Variants in MBNL2 observed in about 807,000 individuals in gnomAD.
MBNL2 encodes the protein muscleblind-like protein 2.
A neutral mutation model predicts 41.9 loss-of-function variants in MBNL2; 17 were observed. The observed-to-expected ratio is 0.41, with a 90% CI of 0.28 to 0.61. The LOEUF (loss-of-function observed/expected upper bound fraction) is 0.61, where lower values mean the gene tolerates loss of function less well. Among genes scored for constraint, MBNL2 ranks in the 20% least tolerant of loss-of-function variants. MBNL2 has a pLI of 0.35. For missense variants in MBNL2, 336 were observed against 505.6 expected (o/e 0.66, Z 3.22); for synonymous variants, 195 against 182.9 (o/e 1.07, Z -0.53).
chr13:97,329,621 A>ATACACATACAG (rs1252872774), intron 2 of MBNL2, among the ~76,000 whole-genome samples: 1 of 146,250 alleles, frequency 6.8e-6, no homozygotes, highest in Non-Finnish European at 1.5e-5. Flanking sequence ...CAACACACAC[A>ATACACATACAG]CACACTAGAC....
At chr13:97,356,772 G>A (rs1399296115) in intron 5 of MBNL2, 24 bp from the exon 6 acceptor site, 1 of 1,357,708 alleles carries the variant, frequency 7.4e-7, no homozygotes, top group South Asian at 1.1e-5. Context: ...CTGCCATCAT[G>A]TGCTCGCTGC....
chr13:97,372,542 A>G (rs748490025), intron 8 of MBNL2, among the ~76,000 whole-genome samples: 4 of 152,222 alleles, frequency 2.6e-5, no homozygotes, highest in Non-Finnish European at 5.9e-5. Flanking sequence ...ATAATATGTC[A>G]TATACATACA....
intron 4 of MBNL2, among the ~76,000 whole-genome samples, chr13:97,345,842 G>C (rs1242724648): frequency 6.8e-6 from 1 of 147,900 alleles, no homozygotes; most frequent in Non-Finnish European, 1.5e-5. Flanking sequence ...TGACCTGGTA[G>C]CTTGATATAG....
At chr13:97,173,480 T>C in the MBNL2 span, among the ~76,000 whole-genome samples, 1 of 152,196 alleles carries the variant, frequency 6.6e-6, no homozygotes, top group African/African-American at 2.4e-5. Flanking sequence ...TTGGCTCCAA[T>C]GACTGCCTTT....
the MBNL2 span, among the ~76,000 whole-genome samples, chr13:97,168,268 G>A: frequency 6.0e-4 from 91 of 152,162 alleles, no homozygotes; most frequent in African/African-American, 1.5e-3. Context: ...CCGGCCTTGC[G>A]TATGTTTTAA....
At chr13:97,289,613 T>C (rs2055403642) in intron 2 of MBNL2, among the ~76,000 whole-genome samples, 1 of 152,222 alleles carries the variant, frequency 6.6e-6, no homozygotes. Flanking sequence ...GAACTTTAAA[T>C]CTCTTTATTC....
chr13:97,316,949 A>G (rs1486825278), intron 2 of MBNL2, among the ~76,000 whole-genome samples: 1 of 152,218 alleles, frequency 6.6e-6, no homozygotes, highest in Non-Finnish European at 1.5e-5. Context: ...GGCCCAAGGT[A>G]GACTTGCAAC....
chr13:97,162,579 C>T, the MBNL2 span, among the ~76,000 whole-genome samples: 1 of 152,180 alleles, frequency 6.6e-6, no homozygotes, highest in African/African-American at 2.4e-5. Context: ...ATACGAAGAG[C>T]AGGTTCTAAA....
intron 2 of MBNL2, among the ~76,000 whole-genome samples, chr13:97,310,805 A>C (rs1417447504): frequency 7.0e-6 from 1 of 142,996 alleles, no homozygotes; most frequent in Non-Finnish European, 1.5e-5. Flanking sequence ...TTTTTTTTAA[A>C]GAACAACTAA....
intron 2 of MBNL2, among the ~76,000 whole-genome samples, chr13:97,278,576 T>C (rs1217102708): frequency 1.3e-5 from 2 of 152,222 alleles, no homozygotes; most frequent in Middle Eastern, 3.2e-3. Context: ...TCACTTTGGA[T>C]TCAAGTAATC....
intron 2 of MBNL2, among the ~76,000 whole-genome samples, chr13:97,305,500 A>G (rs2058041044): frequency 6.6e-6 from 1 of 152,202 alleles, no homozygotes; most frequent in Admixed American, 6.5e-5. Flanking sequence ...ATGGTGATTC[A>G]TGCTGGTAAT....
chr13:97,287,939 GTT>G (rs139487015), intron 2 of MBNL2, among the ~76,000 whole-genome samples: 1 of 114,058 alleles, frequency 8.8e-6, no homozygotes. Context: ...GTTTTGTTTT[GTT>G]TTTTTTTTTT....
chr13:97,295,953 A>G (rs2152989381), intron 2 of MBNL2, among the ~76,000 whole-genome samples: 1 of 152,222 alleles, frequency 6.6e-6, no homozygotes, highest in East Asian at 1.9e-4. Context: ...TGGATAGTTT[A>G]AAAGTATGAT....
chr13:97,388,672 G>A (rs966850703), intron 8 of MBNL2, among the ~76,000 whole-genome samples: 3 of 152,092 alleles, frequency 2.0e-5, no homozygotes, highest in African/African-American at 7.2e-5. Flanking sequence ...TCAGATGGGT[G>A]CTAGTGATAT....
chr13:97,357,985 A>C (rs1056507111), intron 7 of MBNL2, among the ~76,000 whole-genome samples: 2 of 152,174 alleles, frequency 1.3e-5, no homozygotes, highest in Non-Finnish European at 2.9e-5. Flanking sequence ...TGAATGACCT[A>C]AAAATAGCAA....
intron 8 of MBNL2, among the ~76,000 whole-genome samples, chr13:97,373,911 T>C (rs1312152541): frequency 2.0e-5 from 3 of 151,856 alleles, no homozygotes; most frequent in African/African-American, 4.8e-5. Context: ...GGTGAGAAAC[T>C]TGGGTAGAAT....
chr13:97,334,231 G>A lies in MBNL2; in HGVS notation c.175-45G>A, dbSNP rs111635701. 1.4e-3 allele frequency: 2,068 copies of A among 1,516,534 alleles called. 25 individuals are homozygous for A. The African/African-American group carries it at 0.026, about 19-fold the overall frequency. The allele number at this position is 1,516,534 out of a possible 1,614,324, so 93.9% of individuals were successfully genotyped here. A position where few individuals can be genotyped will look rare whatever the true frequency, so the allele number is the denominator to read the frequency against. ...TTGTTCAGTGGTTGACTTTGGAGTTGCAAGCTACTTAAAATAGTCCTAAAA... is the reference window on the plus strand; with the variant it reads ...TTGTTCAGTGGTTGACTTTGGAGTTACAAGCTACTTAAAATAGTCCTAAAA... On this transcript the variant is annotated intron_variant, in intron 2 of 8. Transcript: ENST00000679496. This position sits in a 1 kb window ranked among gnomAD's most constrained non-coding sequence, Gnocchi z 5.3.
intron 2 of MBNL2, among the ~76,000 whole-genome samples, chr13:97,287,304 G>A (rs1022563803): frequency 1.6e-4 from 25 of 152,150 alleles, no homozygotes; most frequent in East Asian, 1.9e-4. Flanking sequence ...TGATGCTGGT[G>A]TTTGATAAAA....
chr13:97,157,086 G>T, the MBNL2 span, among the ~76,000 whole-genome samples: 2 of 148,260 alleles, frequency 1.3e-5, no homozygotes, highest in South Asian at 2.2e-4. Flanking sequence ...GTGGTTTGTA[G>T]TTCTCCTTGA....
Sources: gnomAD v4.1 joint callset for allele counts (sites outside exome capture counted in the v4.1 genomes callset) on GRCh38, gnomAD v4.1.1 for gene constraint, Gnocchi (gnomAD v3.1) non-coding constraint, MANE v1.5 for transcripts, NCBI Gene and HGNC (gene_info 2026-07-23, HGNC 2026-07-21) for gene names.